PPFIA2: variants seen among roughly 807,000 people sequenced by gnomAD.
PPFIA2 encodes liprin-alpha-2.
A neutral mutation model predicts 175.5 loss-of-function variants in PPFIA2; 46 were observed. The ratio of observed to expected loss-of-function variants is 0.26; its 90% confidence interval spans 0.21 to 0.34. The LOEUF is 0.34. PPFIA2 is among the 10% of genes least tolerant of loss of function. The probability of loss-of-function intolerance (pLI) is 1.00; values close to 1 mark genes in which losing one functional copy is unlikely to be tolerated. For synonymous variants in PPFIA2, 568 were observed against 511.4 expected, an observed-to-expected ratio of 1.11 and a Z score of -1.49; for missense variants, 1,179 against 1,506.1, an observed-to-expected ratio of 0.78 and a Z score of 3.60.
intron 4 of PPFIA2, among the ~76,000 whole-genome samples, chr12:81,590,193 G>A (rs1197235678): frequency 3.3e-5 from 5 of 152,016 alleles, no homozygotes; most frequent in Non-Finnish European, 7.4e-5. Flanking sequence ...TCTGTATATT[G>A]TTACTTTGTC....
intron 4 of PPFIA2, among the ~76,000 whole-genome samples, chr12:81,486,538 T>C (rs1328608116): frequency 2.0e-5 from 3 of 151,922 alleles, no homozygotes; most frequent in African/African-American, 7.2e-5. Flanking sequence ...GATAAACATA[T>C]GCCAATTTTT....
Position 81,453,007 on chromosome 12 carries a change from T to TTA in PPFIA2, c.405+4757_405+4758insTA, listed in dbSNP as rs969465217. 5.3e-5 allele frequency among the ~76,000 whole-genome samples: 8 copies of TTA among 152,130 alleles called. 1 individual carries two copies. The South Asian group carries it at 1.2e-3, about 24-fold the overall frequency. ...TTTTTCTTTTTTTTTAATTTTTTTT[T>TTA]ATTATACTTTAAGTTTTAGGGTACA... On this transcript the variant is annotated intron_variant, in intron 5 of 32. Transcript: ENST00000549396.
chr12:81,296,043 C>T (rs985205122), intron 23 of PPFIA2, among the ~76,000 whole-genome samples: 44 of 146,326 alleles, frequency 3.0e-4, no homozygotes, highest in African/African-American at 1.1e-3. Context: ...CGGTGGCTCA[C>T]GCCTGTAATC....
At chr12:81,394,232 C>T (rs192674697) in intron 8 of PPFIA2, among the ~76,000 whole-genome samples, 25 of 151,982 alleles carry the variant, frequency 1.6e-4, no homozygotes, top group African/African-American at 5.5e-4. Context: ...TTAGGCAGAA[C>T]AACATTGGCC....
chr12:81,606,523 G>A (rs1268345379), intron 4 of PPFIA2, among the ~76,000 whole-genome samples: 1 of 152,070 alleles, frequency 6.6e-6, no homozygotes, highest in Non-Finnish European at 1.5e-5. Flanking sequence ...TGCCTGGTGT[G>A]AGATAGTATC....
At chr12:81,261,910 T>C (rs1444203091) in intron 32 of PPFIA2, 39 bp downstream of exon 32, 1 of 1,406,070 alleles carries the variant, frequency 7.1e-7, no homozygotes, top group African/African-American at 1.5e-5. Flanking sequence ...TCCATTTTTT[T>C]GTCTTTTTTT....
At chr12:81,311,226 A>T (rs1167887145) in intron 22 of PPFIA2, among the ~76,000 whole-genome samples, 4 of 152,196 alleles carry the variant, frequency 2.6e-5, no homozygotes, top group Non-Finnish European at 4.4e-5. Flanking sequence ...CCATTATCTG[A>T]GTAATTCAGG....
chr12:81,689,584 G>C (rs1252960494), intron 3 of PPFIA2, among the ~76,000 whole-genome samples: 2 of 152,020 alleles, frequency 1.3e-5, no homozygotes, highest in African/African-American at 2.4e-5. Context: ...TGGAGATTTA[G>C]AGTCGATCAT....
chr12:81,455,953 G>C (rs762759096), intron 5 of PPFIA2, among the ~76,000 whole-genome samples: 6 of 152,038 alleles, frequency 3.9e-5, no homozygotes, highest in Non-Finnish European at 7.4e-5. Flanking sequence ...AGGAGTAAGG[G>C]GCTGAAGAAA....
chr12:81,717,366 A>G (rs567495246), intron 3 of PPFIA2, among the ~76,000 whole-genome samples: 14 of 151,826 alleles, frequency 9.2e-5, no homozygotes, highest in Middle Eastern at 3.4e-3. Context: ...CCCATAGATC[A>G]TAGTTTGCTA....
At chr12:81,636,453 G>A (rs1191597090) in intron 4 of PPFIA2, among the ~76,000 whole-genome samples, 1 of 150,664 alleles carries the variant, frequency 6.6e-6, no homozygotes, top group Non-Finnish European at 1.5e-5. Flanking sequence ...TTTTAGTAGA[G>A]ACGGGGTTTC....
chr12:81,482,442 T>C (rs1444000718), intron 4 of PPFIA2, among the ~76,000 whole-genome samples: 6 of 152,204 alleles, frequency 3.9e-5, no homozygotes, highest in Non-Finnish European at 8.8e-5. Flanking sequence ...TGCACACATA[T>C]GTTTACTGCA....
At chr12:81,596,760 C>T (rs1365900781) in intron 4 of PPFIA2, among the ~76,000 whole-genome samples, 1 of 152,064 alleles carries the variant, frequency 6.6e-6, no homozygotes, top group African/African-American at 2.4e-5. Flanking sequence ...GTACAGCAGC[C>T]CCAGGGCACT....
chr12:81,493,754 CTATATATATATATATATATATA>C (rs5799531), intron 4 of PPFIA2, among the ~76,000 whole-genome samples: 6 of 102,096 alleles, frequency 5.9e-5, no homozygotes, highest in Admixed American at 5.0e-4. Context: ...GTGTGTGTGT[CTATATATATATATATATATATA>C]TATATATATA....
intron 4 of PPFIA2, among the ~76,000 whole-genome samples, chr12:81,598,721 G>T (rs2059506171): frequency 6.6e-6 from 1 of 151,450 alleles, no homozygotes; most frequent in Non-Finnish European, 1.5e-5. Context: ...GATATTGAGA[G>T]GCAATTGCAT....
chr12:81,608,703 C>T (rs980624085), intron 4 of PPFIA2, among the ~76,000 whole-genome samples: 6 of 151,766 alleles, frequency 4.0e-5, no homozygotes, highest in African/African-American at 1.5e-4. Flanking sequence ...GCTAATATAG[C>T]TAGTAGTATG....
intron 8 of PPFIA2, among the ~76,000 whole-genome samples, chr12:81,401,577 T>A (rs2142752296): frequency 6.6e-6 from 1 of 152,336 alleles, no homozygotes; most frequent in East Asian, 1.9e-4. Flanking sequence ...GGCATGTTTA[T>A]TTCTCACTGT....
At chr12:81,662,227 T>TA (rs937890986) in intron 4 of PPFIA2, among the ~76,000 whole-genome samples, 54 of 151,680 alleles carry the variant, frequency 3.6e-4, no homozygotes, top group African/African-American at 1.2e-3. Flanking sequence ...GATAGAGACA[T>TA]AAAAAAACCC....
chr12:81,281,491 G>T, intron 26 of PPFIA2, 41 bp from the exon 27 acceptor site: 1 of 1,381,316 alleles, frequency 7.2e-7, no homozygotes, highest in South Asian at 1.3e-5. Context: ...TAACCAATCA[G>T]ATAAGATGGT....
Sources: allele counts gnomAD v4.1 joint callset (sites outside exome capture counted in the v4.1 genomes callset), GRCh38; gene constraint gnomAD v4.1.1; transcripts MANE v1.5; gene names NCBI Gene and HGNC (gene_info 2026-07-23, HGNC 2026-07-21).